ELOVL4: variants seen among roughly 807,000 people sequenced by gnomAD.
ELOVL4 encodes the protein very long chain fatty acid elongase 4.
ELOVL4 carries 18 observed loss-of-function variants against 42.1 expected under a neutral mutation model. That is an observed-to-expected ratio of 0.43 (90% CI 0.30 to 0.63). The LOEUF (loss-of-function observed/expected upper bound fraction) is 0.63. ELOVL4 is among the 30% of genes least tolerant of loss of function. The probability of loss-of-function intolerance (pLI) is 0.15; values close to 1 mark genes in which losing one functional copy is unlikely to be tolerated. For synonymous variants in ELOVL4, 117 were observed against 127.0 expected (o/e 0.92, Z 0.53); for missense variants, 299 against 376.2 (o/e 0.79, Z 1.70).
chr6:79,922,990 T>C (rs1463499013), intron 3 of ELOVL4, among the ~76,000 whole-genome samples: 1 of 152,202 alleles, frequency 6.6e-6, no homozygotes, highest in African/African-American at 2.4e-5. Context: ...TATTCACTAT[T>C]ATATTAGTTC....
intron 1 of ELOVL4, among the ~76,000 whole-genome samples, chr6:79,946,326 T>C (rs1774739724): frequency 6.6e-6 from 1 of 152,118 alleles, no homozygotes; most frequent in Non-Finnish European, 1.5e-5. Context: ...AATATCACAG[T>C]TGGACGCTAG....
chr6:79,946,818 G>A (rs1774750625), intron 1 of ELOVL4, among the ~76,000 whole-genome samples: 1 of 152,178 alleles, frequency 6.6e-6, no homozygotes, highest in Admixed American at 6.5e-5. Context: ...GGAATCCTGT[G>A]CACGGGGAAG....
chr6:79,926,650 G>A (rs749280789), intron 1 of ELOVL4, among the ~76,000 whole-genome samples: 5 of 152,056 alleles, frequency 3.3e-5, no homozygotes, highest in East Asian at 3.9e-4. Flanking sequence ...GAAATAAAGC[G>A]CACTAAAAAC....
chr6:79,931,006 T>A (rs1000805534), intron 1 of ELOVL4, among the ~76,000 whole-genome samples: 1 of 152,086 alleles, frequency 6.6e-6, no homozygotes, highest in African/African-American at 2.4e-5. Context: ...CCAACTGAAG[T>A]CAAACCCTGT....
chr6:79,919,300 G>T, intron 5 of ELOVL4, 120 bp downstream of exon 5: 1 of 1,158,766 alleles, frequency 8.6e-7, no homozygotes. Flanking sequence ...CGATATAGCT[G>T]GAGGATAAAG....
At position 79,921,776 on chromosome 6, in the gene ELOVL4, C is replaced by A; in HGVS notation, c.390G>T (p.Trp130Cys). The A allele has an allele frequency of 6.2e-6, 10 of 1,613,968 alleles. No individual in the cohort carries two copies. The highest frequency in any genetic ancestry group is 8.5e-6 in the Non-Finnish European group (10 of 1,179,962). ...ACTCAACTCCTTTAGATACAAAGTACCACCACAGAGCAGCAGCTATCTGTA... is the reference window on the plus strand; with the variant it reads ...ACTCAACTCCTTTAGATACAAAGTAACACCACAGAGCAGCAGCTATCTGTA... The part of the protein sequence containing the change: ...HEVRIAAALW[W>C]YFVSKGVEYL... Residue 130 changes from tryptophan (W) to cysteine (C), a missense_variant, in exon 4 of 6, where the codon TGG (tryptophan) becomes TGT (cysteine). Trp to Cys is a radical substitution (Grantham distance 215). Transcript: ENST00000369816.
chr6:79,926,044 G>A, intron 2 of ELOVL4, 150 bp downstream of exon 2: 1 of 736,014 alleles, frequency 1.4e-6, no homozygotes, highest in South Asian at 1.9e-5. Flanking sequence ...TAATATTTTT[G>A]TTATTCAAAA....
chr6:79,921,738 A>G lies in ELOVL4; in HGVS notation c.428T>C (p.Val143Ala), dbSNP rs1209115115. 4 of 1,614,032 alleles carry G rather than the reference A, an allele frequency of 2.5e-6. No individual in the cohort carries two copies. The highest frequency in any genetic ancestry group is 1.7e-5 in the Admixed American group (1 of 60,010). The change falls in exon 4 of 6, where the codon GTG (valine) becomes GCG (alanine). Residue 143 changes from valine (V) to alanine (A), a missense_variant. Transcript: ENST00000369816. ...VSKGVEYLDT[V>A]FFILRKKNNQ... Reference sequence around the variant, plus strand: ...GTTTTTCTTTCTCAGAATAAAAAACACTGTGTCCAAATACTCAACTCCTTT... The same window carrying G: ...GTTTTTCTTTCTCAGAATAAAAAACGCTGTGTCCAAATACTCAACTCCTTT...
At chr6:79,946,226 A>G (rs1226504255) in intron 1 of ELOVL4, among the ~76,000 whole-genome samples, 1 of 152,252 alleles carries the variant, frequency 6.6e-6, no homozygotes, top group African/African-American at 2.4e-5. Flanking sequence ...AATCCTTTAA[A>G]CCTTATTTTA....
chr6:79,934,636 T>C (rs1035433792), intron 1 of ELOVL4, among the ~76,000 whole-genome samples: 3 of 152,116 alleles, frequency 2.0e-5, no homozygotes, highest in Non-Finnish European at 4.4e-5. Context: ...CCTAGAGAGT[T>C]CTATATTCTG....
At chr6:79,940,368 A>T (rs1774626333) in intron 1 of ELOVL4, among the ~76,000 whole-genome samples, 2 of 152,220 alleles carry the variant, frequency 1.3e-5, no homozygotes, top group Admixed American at 1.3e-4. Flanking sequence ...AAAAGATTTT[A>T]AAAATTTGTA....
chr6:79,922,087 A>G (rs910377881), intron 3 of ELOVL4, among the ~76,000 whole-genome samples: 2 of 152,234 alleles, frequency 1.3e-5, no homozygotes, highest in Admixed American at 1.3e-4. Context: ...CAGAGCTGGA[A>G]GCACATTCAG....
intron 3 of ELOVL4, 97 bp from the exon 4 acceptor site, chr6:79,921,893 G>C: frequency 8.5e-7 from 1 of 1,175,646 alleles, no homozygotes; most frequent in Admixed American, 1.9e-5. Flanking sequence ...TTTGTATATT[G>C]CACAAAATGT....
chr6:79,916,883 T>C lies in ELOVL4; in HGVS notation c.670A>G (p.Ile224Val), dbSNP rs1774172534. 2.5e-6 allele frequency: 4 copies of C among 1,614,020 alleles called. No individual in the cohort carries two copies. The highest frequency in any genetic ancestry group is 3.4e-6 in the Non-Finnish European group (4 of 1,179,962). The change falls in exon 6 of 6, where the codon ATT becomes GTT. Residue 224 changes from isoleucine to valine, a missense_variant and splice_region_variant. Transcript: ENST00000369816. The stretch of plus-strand genomic sequence containing the variant: ...TGCCCAATGGTCACATGGAATTGAA[T>C]CTGAAAAACAGAAATGACAGCACAA... Reference protein sequence around the residue: ...WKRYLTMLQLIQFHVTIGHTA... With the variant: ...WKRYLTMLQLVQFHVTIGHTA...
In ELOVL4 at chr6:79,915,368, C is replaced by T. The variant is rs1774139017; in HGVS notation, c.*1240G>A. On this transcript the variant is annotated 3_prime_UTR_variant, in exon 6 of 6. Transcript: ENST00000369816. Reference sequence around the variant, plus strand: ...TTTTATTCATTTTGTGTTTTAACAACACCTTGTAACATCAAGCATTGAATT... The same window carrying T: ...TTTTATTCATTTTGTGTTTTAACAATACCTTGTAACATCAAGCATTGAATT... The T allele has an allele frequency of 6.6e-6, 1 of 152,566 alleles. No homozygotes were observed. Among genetic ancestry groups the T allele is most frequent in the Non-Finnish European group, 1.5e-5 (1 of 67,992 alleles). The allele number at this position is 152,566 out of a possible 1,614,324, so 9.5% of individuals were successfully genotyped here.
intron 4 of ELOVL4, among the ~76,000 whole-genome samples, chr6:79,920,591 C>T (rs1008726404): frequency 6.6e-5 from 10 of 152,062 alleles, no homozygotes; most frequent in African/African-American, 2.4e-4. Context: ...AAATCCAAAA[C>T]TTCATATACA....
intron 4 of ELOVL4, 77 bp downstream of exon 4, chr6:79,921,548 G>A: frequency 1.8e-6 from 2 of 1,139,476 alleles, no homozygotes; most frequent in South Asian, 2.5e-5. Context: ...TCAAGTCAAA[G>A]TCCTAGGTTC....
At chr6:79,928,921 T>C (rs569692874) in intron 1 of ELOVL4, among the ~76,000 whole-genome samples, 1 of 151,880 alleles carries the variant, frequency 6.6e-6, no homozygotes, top group African/African-American at 2.4e-5. Context: ...TTTTTATATA[T>C]AGTGTGGTGC....
rs191187075 is a variant in ELOVL4, at chr6:79,937,944, G to A, written c.100+9236C>T. On this transcript the variant is annotated intron_variant, in intron 1 of 5. Coordinates refer to ENST00000369816, the MANE Select transcript of ELOVL4 (RefSeq NM_022726.4). ...GTTTCATCATGTGCAGACGATATCT[G>A]GTTTCAAATTCCTGACCTCAATGAT... Among the ~76,000 whole-genome samples the A allele has an allele frequency of 2.8e-3, 427 of 152,240 alleles. 2 individuals carry two copies. The highest frequency in any genetic ancestry group is 8.8e-3 in the Admixed American group (135 of 15,296).
Sources: allele counts gnomAD v4.1 joint callset (sites outside exome capture counted in the v4.1 genomes callset), GRCh38; gene constraint gnomAD v4.1.1; transcripts MANE v1.5; gene names NCBI Gene and HGNC (gene_info 2026-07-23, HGNC 2026-07-21).